Variants in CD247 observed in about 807,000 individuals in gnomAD.
The protein encoded by CD247 is CD247 molecule, also known as T-cell surface glycoprotein CD3 zeta chain.
CD247 carries 13 observed loss-of-function variants against 30.0 expected under a neutral mutation model. The ratio of observed to expected loss-of-function variants is 0.43; its 90% CI spans 0.28 to 0.69. The LOEUF (loss-of-function observed/expected upper bound fraction) is 0.69. CD247 is among the 30% of genes least tolerant of loss of function. The pLI, the probability that CD247 is intolerant of heterozygous loss-of-function variation, is 0.16. For synonymous variants in CD247, 72 were observed against 80.0 expected (o/e 0.90, Z 0.53); for missense variants, 193 against 212.6 (o/e 0.91, Z 0.57).
At chr1:167,487,892 G>A (rs1654281127) in intron 1 of CD247, among the ~76,000 whole-genome samples, 6 of 152,086 alleles carry the variant, frequency 3.9e-5, no homozygotes, top group African/African-American at 1.4e-4. Flanking sequence ...CACCACATCT[G>A]ACTAATTTAT....
intron 1 of CD247, among the ~76,000 whole-genome samples, chr1:167,441,603 A>G (rs1235356528): frequency 6.6e-6 from 1 of 152,012 alleles, no homozygotes; most frequent in Non-Finnish European, 1.5e-5. Flanking sequence ...CTGAAACCCT[A>G]CTATTTGGTA....
At chr1:167,515,135 G>A (rs779280565) in intron 1 of CD247, among the ~76,000 whole-genome samples, 1 of 152,178 alleles carries the variant, frequency 6.6e-6, no homozygotes, top group Non-Finnish European at 1.5e-5. Context: ...AGAGCTAGGC[G>A]ATTGGAGGGC....
intron 1 of CD247, among the ~76,000 whole-genome samples, chr1:167,467,235 C>T (rs1055265066): frequency 2.6e-5 from 4 of 152,302 alleles, no homozygotes; most frequent in Admixed American, 6.5e-5. Flanking sequence ...TCGTGGACTC[C>T]AAGCTTGTTA....
intron 1 of CD247, among the ~76,000 whole-genome samples, chr1:167,497,246 T>C (rs934767634): frequency 6.6e-6 from 1 of 152,212 alleles, no homozygotes; most frequent in Admixed American, 6.5e-5. Flanking sequence ...AGAAGGACAG[T>C]CACCAACATA....
chr1:167,509,369 C>CAA (rs35004744), intron 1 of CD247, among the ~76,000 whole-genome samples: 60 of 63,582 alleles, frequency 9.4e-4, no homozygotes, highest in Middle Eastern at 0.015. Context: ...AACTCTGTCT[C>CAA]AAAAAAAAAA....
intron 1 of CD247, among the ~76,000 whole-genome samples, chr1:167,489,434 C>T (rs965996684): frequency 6.6e-6 from 1 of 152,050 alleles, no homozygotes; most frequent in Non-Finnish European, 1.5e-5. Context: ...GCAGCAATGC[C>T]CTATTTAGTG....
At chr1:167,511,066 C>A (rs1184164016) in intron 1 of CD247, among the ~76,000 whole-genome samples, 1 of 152,222 alleles carries the variant, frequency 6.6e-6, no homozygotes, top group Non-Finnish European at 1.5e-5. Context: ...ACCGAGCCTG[C>A]AGGTGAACCC....
intron 1 of CD247, among the ~76,000 whole-genome samples, chr1:167,505,235 ATCC>A (rs1328717051): frequency 3.7e-4 from 57 of 152,118 alleles, no homozygotes; most frequent in Non-Finnish European, 2.4e-4. Flanking sequence ...GGCTCAAGCA[ATCC>A]TCCTGCCTCA....
intron 1 of CD247, among the ~76,000 whole-genome samples, chr1:167,495,844 ATC>A (rs1340605897): frequency 6.6e-6 from 1 of 152,156 alleles, no homozygotes; most frequent in Non-Finnish European, 1.5e-5. Context: ...GAATGCCACC[ATC>A]TTAGCAAGGA....
intron 2 of CD247, chr1:167,439,719 G>A (rs563172696): frequency 4.9e-6 from 2 of 407,566 alleles, no homozygotes; most frequent in South Asian, 2.6e-5. Context: ...GCGCCCCCGG[G>A]GACATGAGTA....
intron 2 of CD247, chr1:167,440,388 G>A (rs1022801853): frequency 6.0e-6 from 3 of 502,496 alleles, no homozygotes; most frequent in Admixed American, 3.2e-5. Flanking sequence ...CAGTAGCATC[G>A]CCTTCCCTGG....
At chr1:167,437,405 C>CA (rs11457214) in intron 4 of CD247, among the ~76,000 whole-genome samples, 124,433 of 146,640 alleles carry the variant, frequency 0.85, 52,740 homozygotes, top group South Asian at 0.87. Flanking sequence ...AACGCTGTCT[C>CA]AAAAAAAAAA....
rs191343543 is a variant in CD247 at position 167,490,567 on chromosome 1, G to A, written c.58+27841C>T. 2.7e-3 allele frequency among the ~76,000 whole-genome samples: 405 copies of A among 152,120 alleles called. 3 individuals carry two copies. The highest frequency in any genetic ancestry group is 9.0e-3 in the African/African-American group (372 of 41,462). The stretch of plus-strand genomic sequence containing the variant: ...GAACCTGCGAGGCGGAGGTTGCAGC[G>A]AGCCGAGATCGCGCCACTGCACTCC... On this transcript the variant is annotated intron_variant, in intron 1 of 7. Transcript: ENST00000362089.
chr1:167,506,202 G>A (rs935797320), intron 1 of CD247, among the ~76,000 whole-genome samples: 7 of 152,018 alleles, frequency 4.6e-5, no homozygotes, highest in Admixed American at 1.3e-4. Flanking sequence ...AATCTTCCCA[G>A]AGAGACGCCA....
rs558376978 is a variant in CD247 at position 167,513,434 on chromosome 1, C to T, written c.58+4974G>A. 1.6e-4 allele frequency among the ~76,000 whole-genome samples: 24 copies of T among 152,124 alleles called. No individual in the cohort carries two copies. The Middle Eastern group carries it at 0.01, about 65-fold the overall frequency. On this transcript the variant is annotated intron_variant, in intron 1 of 7. Coordinates refer to ENST00000362089, the MANE Select transcript of CD247 (RefSeq NM_198053.3). ...AAAAATTTAATTAAATTTTAACTTC[C>T]GTCAGTGATTTTTATATCTTTACTA...
Position 167,480,815 on chromosome 1 carries a change from A to G in CD247, c.58+37593T>C, listed in dbSNP as rs80048028. 3.1e-3 allele frequency among the ~76,000 whole-genome samples: 476 copies of G among 152,368 alleles called. 5 individuals are homozygous for G. Among genetic ancestry groups the G allele is most frequent in the African/African-American group, 0.011 (447 of 41,592 alleles). ...GAAATTATTTGGTTACAAGTAATTCATTTAATTCATGACAAGCTACAATTT... is the reference window on the plus strand; with the variant it reads ...GAAATTATTTGGTTACAAGTAATTCGTTTAATTCATGACAAGCTACAATTT... On this transcript the variant is annotated intron_variant, in intron 1 of 7. Coordinates refer to ENST00000362089, the MANE Select transcript of CD247 (RefSeq NM_198053.3).
chr1:167,512,248 T>G (rs1655416701), intron 1 of CD247, among the ~76,000 whole-genome samples: 1 of 152,148 alleles, frequency 6.6e-6, no homozygotes. Flanking sequence ...GCAGAAGGGA[T>G]GGACTTTGTC....
chr1:167,437,352 C>T (rs1277238876), intron 4 of CD247, among the ~76,000 whole-genome samples: 1 of 151,884 alleles, frequency 6.6e-6, no homozygotes, highest in Non-Finnish European at 1.5e-5. Context: ...TTGTGGTGAG[C>T]CGAGACTGTG....
chr1:167,486,907 C>A (rs1654231660), intron 1 of CD247, among the ~76,000 whole-genome samples: 1 of 151,894 alleles, frequency 6.6e-6, no homozygotes, highest in South Asian at 2.1e-4. Flanking sequence ...AACCCCGTCT[C>A]TACTAAAAAC....
Sources: gnomAD v4.1 joint callset for allele counts (sites outside exome capture counted in the v4.1 genomes callset) on GRCh38, gnomAD v4.1.1 for gene constraint, MANE v1.5 for transcripts, NCBI Gene and HGNC (gene_info 2026-07-23, HGNC 2026-07-21) for gene names.